The following GFPT1 variants were observed in gnomAD, a reference collection of about 807,000 sequenced individuals.
The protein encoded by GFPT1 is glutamine--fructose-6-phosphate transaminase 1.
Under a neutral mutation model 92.0 loss-of-function variants are expected in GFPT1, and 40 were observed. The observed-to-expected ratio is 0.43, with a 90% CI of 0.34 to 0.57. The LOEUF is 0.57. GFPT1 is among the 20% of genes least tolerant of loss of function. GFPT1 has a pLI of 0.02. For synonymous variants in GFPT1, 269 were observed against 280.6 expected (o/e 0.96, Z 0.41); for missense variants, 448 against 869.1 (o/e 0.52, Z 6.09).
chr2:69,383,623 CTTATTTAT>C (rs1311012860), intron 1 of GFPT1, among the ~76,000 whole-genome samples: 32 of 149,940 alleles, frequency 2.1e-4, no homozygotes, highest in Admixed American at 2.1e-3. Flanking sequence ...TATTTATTTA[CTTATTTAT>C]TTATTTATTT....
rs1437872383 is a variant in GFPT1 at position 69,322,569 on chromosome 2, C to G, written c.*3620G>C. 1 of 152,150 alleles carries G rather than the reference C, an allele frequency of 6.6e-6. No individual in the cohort carries two copies. The highest frequency in any genetic ancestry group is 1.5e-5 in the Non-Finnish European group (1 of 68,036). 9.4% of individuals were successfully genotyped at this position (152,150 alleles called of 1,614,324 possible). ...TCCTTTATTACTCCCATCCTCAGAA[C>G]TAACTCAAGACAAGAGATCTGTATT... On this transcript the variant is annotated 3_prime_UTR_variant, in exon 20 of 20. Coordinates refer to ENST00000357308, the MANE Select transcript of GFPT1 (RefSeq NM_001244710.2).
At chr2:69,369,080 A>G (rs998517940) in intron 3 of GFPT1, among the ~76,000 whole-genome samples, 1 of 152,234 alleles carries the variant, frequency 6.6e-6, no homozygotes, top group Non-Finnish European at 1.5e-5. Context: ...AGCCTGGTAT[A>G]CAGGATGCAG....
At chr2:69,375,560 C>G (rs1199976631) in intron 1 of GFPT1, among the ~76,000 whole-genome samples, 1 of 152,102 alleles carries the variant, frequency 6.6e-6, no homozygotes, top group Non-Finnish European at 1.5e-5. Flanking sequence ...TAACCTGAAA[C>G]AACGGTTTCA....
At chr2:69,376,458 G>A (rs2104692535) in intron 1 of GFPT1, among the ~76,000 whole-genome samples, 1 of 152,118 alleles carries the variant, frequency 6.6e-6, no homozygotes, top group East Asian at 1.9e-4. Flanking sequence ...GGCGGAGGTT[G>A]CAGTGAGCCG....
chr2:69,368,824 C>G (rs1270455458), intron 3 of GFPT1, among the ~76,000 whole-genome samples: 1 of 152,132 alleles, frequency 6.6e-6, no homozygotes, highest in Non-Finnish European at 1.5e-5. Context: ...ATCTGCCTTT[C>G]TAGCCTCCCT....
At chr2:69,368,235 T>C (rs568580255) in intron 3 of GFPT1, among the ~76,000 whole-genome samples, 115 of 152,028 alleles carry the variant, frequency 7.6e-4, no homozygotes, top group Non-Finnish European at 9.9e-4. Flanking sequence ...ACGAAATAAT[T>C]AGCCAGGCGT....
At chr2:69,329,145 T>C in intron 17 of GFPT1, 152 bp downstream of exon 17, 1 of 749,198 alleles carries the variant, frequency 1.3e-6, no homozygotes, top group Non-Finnish European at 2.3e-6. Flanking sequence ...GAGTTCTCTG[T>C]TGCACTTTCT....
intron 15 of GFPT1, among the ~76,000 whole-genome samples, chr2:69,336,838 G>A (rs1021997481): frequency 1.3e-5 from 2 of 151,860 alleles, no homozygotes; most frequent in African/African-American, 2.4e-5. Flanking sequence ...AAAAACACTT[G>A]TGGAGGGATA....
chr2:69,353,607 C>T (rs188993608), intron 9 of GFPT1, among the ~76,000 whole-genome samples: 264 of 151,918 alleles, frequency 1.7e-3, no homozygotes, highest in Middle Eastern at 3.4e-3. Context: ...GCAAGAGGAT[C>T]CACCTGAGCC....
chr2:69,380,333 C>T (rs1671979181), intron 1 of GFPT1, among the ~76,000 whole-genome samples: 1 of 152,080 alleles, frequency 6.6e-6, no homozygotes, highest in South Asian at 2.1e-4. Context: ...CACAGTGAGA[C>T]TCTGTCTCAA....
At chr2:69,330,408 G>T (rs1428928236) in intron 15 of GFPT1, among the ~76,000 whole-genome samples, 1 of 152,060 alleles carries the variant, frequency 6.6e-6, no homozygotes, top group African/African-American at 2.4e-5. Flanking sequence ...AAATCAGCAT[G>T]TGCCTAACCA....
Position 69,352,442 on chromosome 2 carries a change from G to A in GFPT1, c.739+1817C>T, listed in dbSNP as rs1218322436. ...AGCCTGAGCAACAGCCTGAAACCCC[G>A]TCTCTACTAAAAATAGAAAAATTTG... is the stretch of plus-strand genomic sequence containing the variant. On this transcript the variant is annotated intron_variant, in intron 9 of 19. Transcript: ENST00000357308. Among the ~76,000 whole-genome samples the A allele has an allele frequency of 3.3e-5, 5 of 150,996 alleles. No homozygotes were observed. In the East Asian group the frequency reaches 7.9e-4, roughly 24 times the overall value.
At chr2:69,329,058 C>A (rs1231465976) in intron 17 of GFPT1, among the ~76,000 whole-genome samples, 3 of 152,134 alleles carry the variant, frequency 2.0e-5, no homozygotes, top group Admixed American at 2.0e-4. Context: ...CATATTTGAA[C>A]AAATTAACCC....
At chr2:69,378,485 G>A (rs184971872) in intron 1 of GFPT1, among the ~76,000 whole-genome samples, 14 of 152,138 alleles carry the variant, frequency 9.2e-5, no homozygotes, top group Non-Finnish European at 1.9e-4. Flanking sequence ...AATATACTTG[G>A]AATAAAATAA....
intron 1 of GFPT1, among the ~76,000 whole-genome samples, chr2:69,376,062 T>C (rs1671863504): frequency 1.3e-5 from 2 of 152,256 alleles, no homozygotes; most frequent in South Asian, 2.1e-4. Flanking sequence ...AATAAACGAA[T>C]AACCCAATTG....
intron 12 of GFPT1, among the ~76,000 whole-genome samples, chr2:69,345,481 C>A (rs1184852911): frequency 6.6e-6 from 1 of 151,944 alleles, no homozygotes; most frequent in East Asian, 1.9e-4. Context: ...TAGGACAGTC[C>A]CTGGTACACA....
chr2:69,383,484 T>C (rs1345463878), intron 1 of GFPT1, among the ~76,000 whole-genome samples: 1 of 152,154 alleles, frequency 6.6e-6, no homozygotes, highest in Non-Finnish European at 1.5e-5. Flanking sequence ...CCCTCAATTA[T>C]CTCCAAAGCC....
intron 4 of GFPT1, among the ~76,000 whole-genome samples, chr2:69,361,442 C>A: frequency 9.3e-6 from 1 of 107,048 alleles, no homozygotes; most frequent in African/African-American, 4.4e-5. Context: ...AGCGAGATTC[C>A]TTCTCAAAAA....
chr2:69,377,940 T>C (rs554308273), intron 1 of GFPT1, among the ~76,000 whole-genome samples: 3 of 152,378 alleles, frequency 2.0e-5, no homozygotes, highest in African/African-American at 4.8e-5. Flanking sequence ...TGATGCTTGT[T>C]AGAGCAGAAA....
Sources: gnomAD v4.1 joint callset for allele counts (sites outside exome capture counted in the v4.1 genomes callset) on GRCh38, gnomAD v4.1.1 for gene constraint, MANE v1.5 for transcripts, NCBI Gene and HGNC (gene_info 2026-07-23, HGNC 2026-07-21) for gene names.